PARP4: variants seen among roughly 807,000 people sequenced by gnomAD.
PARP4 encodes the protein poly(ADP-ribose) polymerase family member 4, also known as protein mono-ADP-ribosyltransferase PARP4.
PARP4 carries 120 observed loss-of-function variants against 187.7 expected under a neutral mutation model. The ratio of observed to expected loss-of-function variants is 0.64; its 90% CI spans 0.55 to 0.74. PARP4 has a LOEUF of 0.74. PARP4 is among the 30% of genes least tolerant of loss of function. The probability of loss-of-function intolerance (pLI) is 0.00; values close to 1 mark genes in which losing one functional copy is unlikely to be tolerated. For missense variants in PARP4, 1,836 were observed against 2,070.5 expected, an observed-to-expected ratio of 0.89 and a Z score of 2.20; for synonymous variants, 654 against 740.9, an observed-to-expected ratio of 0.88 and a Z score of 1.90.
chr13:24,458,300 G>A (rs1338005461), intron 20 of PARP4, among the ~76,000 whole-genome samples: 14 of 151,874 alleles, frequency 9.2e-5, no homozygotes, highest in Non-Finnish European at 1.5e-4. Context: ...TAGTGGAGAC[G>A]AGGTTTCACC....
Position 24,421,255 on chromosome 13 carries a change from T to C in PARP4, c.5039A>G (p.Glu1680Gly). The change falls in exon 34 of 34, where the codon GAA (glutamate) becomes GGA (glycine). Residue 1680 changes from glutamate (E) to glycine (G), a missense_variant. Glu to Gly is a moderately conservative substitution (Grantham distance 98, BLOSUM62 -2). Transcript: ENST00000381989. ...KQASEWVRRTEGQYPSICPRL... is the reference protein window; with the variant it reads ...KQASEWVRRTGGQYPSICPRL... The stretch of plus-strand genomic sequence containing the variant: ...TGGGCAGATAGATGGGTACTGTCCT[T>C]CAGTTCTTCTTACCCATTCACTTGC... 1 of 1,308,796 alleles carries C rather than the reference T, an allele frequency of 7.6e-7. No homozygotes were observed. The highest frequency in any genetic ancestry group is 1.6e-5 in the South Asian group (1 of 64,344). 81.1% of individuals were successfully genotyped at this position (1,308,796 alleles called of 1,614,324 possible). A position where few individuals can be genotyped will look rare whatever the true frequency, so the allele number is the denominator to read the frequency against.
At chr13:24,505,916 T>A (rs563484503) in intron 1 of PARP4, among the ~76,000 whole-genome samples, 1 of 152,264 alleles carries the variant, frequency 6.6e-6, no homozygotes, top group Non-Finnish European at 1.5e-5. Context: ...CCCACGCGTC[T>A]TGGGACTAAG....
intron 10 of PARP4, among the ~76,000 whole-genome samples, chr13:24,488,305 A>T (rs1868431582): frequency 6.6e-6 from 1 of 152,204 alleles, no homozygotes; most frequent in African/African-American, 2.4e-5. Flanking sequence ...GTCAAAAGTC[A>T]AACCAAAAGA....
chr13:24,493,421 C>T (rs529575160), intron 8 of PARP4, among the ~76,000 whole-genome samples, 175 bp downstream of exon 8: 5 of 152,330 alleles, frequency 3.3e-5, no homozygotes, highest in Middle Eastern at 6.8e-3. Context: ...TTCTCAGAAG[C>T]TTTTCTCCTT....
At chr13:24,510,553 C>CAAAAAAAAAAAAAAAAA (rs61708412) in intron 1 of PARP4, among the ~76,000 whole-genome samples, 1 of 89,258 alleles carries the variant, frequency 1.1e-5, no homozygotes, top group African/African-American at 4.8e-5. Flanking sequence ...GACTCCGTCT[C>CAAAAAAAAAAAAAAAAA]AAAAAAAAAA....
intron 24 of PARP4, 59 bp downstream of exon 24, chr13:24,452,347 G>T: frequency 7.1e-7 from 1 of 1,399,962 alleles, no homozygotes; most frequent in Non-Finnish European, 9.8e-7. Flanking sequence ...GTCCCCTGCA[G>T]GGCAACAAGA....
intron 32 of PARP4, among the ~76,000 whole-genome samples, chr13:24,429,074 A>C (rs1380769352): frequency 6.6e-6 from 1 of 152,092 alleles, no homozygotes; most frequent in East Asian, 1.9e-4. Flanking sequence ...AATCGAATTA[A>C]ATGATTTTTT....
intron 5 of PARP4, among the ~76,000 whole-genome samples, chr13:24,499,045 TC>T (rs1361565984): frequency 6.6e-6 from 1 of 152,142 alleles, no homozygotes; most frequent in Non-Finnish European, 1.5e-5. Context: ...ATGCTTGTAA[TC>T]CCAGCACTTT....
intron 9 of PARP4, among the ~76,000 whole-genome samples, chr13:24,492,158 A>G (rs1868689033): frequency 6.6e-6 from 1 of 152,250 alleles, no homozygotes; most frequent in Non-Finnish European, 1.5e-5. Context: ...AACTCATTCC[A>G]GAGTCTGAAA....
intron 12 of PARP4, among the ~76,000 whole-genome samples, chr13:24,480,575 T>G (rs932356608): frequency 6.6e-6 from 1 of 152,170 alleles, no homozygotes; most frequent in South Asian, 2.1e-4. Flanking sequence ...CCAGTGAACA[T>G]AGGAATGATA....
intron 17 of PARP4, among the ~76,000 whole-genome samples, chr13:24,462,232 T>C (rs925225534): frequency 6.6e-6 from 1 of 152,112 alleles, no homozygotes; most frequent in Admixed American, 6.6e-5. Flanking sequence ...TGTCGGACAG[T>C]GTGCAGAGTC....
chr13:24,467,675 A>G (rs1025417328), intron 17 of PARP4, among the ~76,000 whole-genome samples: 4 of 152,238 alleles, frequency 2.6e-5, no homozygotes, highest in African/African-American at 9.6e-5. Flanking sequence ...CAAGATGTCA[A>G]TACATTCTGG....
At chr13:24,493,062 T>A (rs1349235165) in intron 8 of PARP4, among the ~76,000 whole-genome samples, 1 of 152,236 alleles carries the variant, frequency 6.6e-6, no homozygotes, top group African/African-American at 2.4e-5. Context: ...AGAGGAAAAT[T>A]GACCATATTA....
At chr13:24,467,791 G>GT (rs2137495961) in intron 17 of PARP4, among the ~76,000 whole-genome samples, 1 of 152,270 alleles carries the variant, frequency 6.6e-6, no homozygotes, top group South Asian at 2.1e-4. Context: ...AGGGAAATAT[G>GT]TAAGTATTAA....
At chr13:24,503,430 C>T (rs1412549017) in intron 2 of PARP4, among the ~76,000 whole-genome samples, 1 of 152,148 alleles carries the variant, frequency 6.6e-6, no homozygotes, top group Admixed American at 6.5e-5. Flanking sequence ...GTAGGATTGT[C>T]CTGCAGTTCA....
At chr13:24,426,959 GAA>G (rs1241764405) in intron 32 of PARP4, among the ~76,000 whole-genome samples, 1 of 149,928 alleles carries the variant, frequency 6.7e-6, no homozygotes, top group African/African-American at 2.4e-5. Context: ...AGCAGATCGT[GAA>G]ACTCTAATAC....
intron 7 of PARP4, 45 bp downstream of exon 7, chr13:24,494,528 T>C: frequency 6.6e-7 from 1 of 1,525,474 alleles, no homozygotes; most frequent in Non-Finnish European, 9.0e-7. Flanking sequence ...ACATTTCTAT[T>C]AAAAATATTC....
At chr13:24,443,565 C>T in intron 28 of PARP4, 85 bp downstream of exon 28, 1 of 949,366 alleles carries the variant, frequency 1.1e-6, no homozygotes, top group South Asian at 1.4e-5. Flanking sequence ...ACGCAGCTGA[C>T]CTCACTTTCC....
chr13:24,436,389 G>C (rs770110968), intron 30 of PARP4, among the ~76,000 whole-genome samples: 1 of 152,180 alleles, frequency 6.6e-6, no homozygotes, highest in Admixed American at 6.5e-5. Context: ...CTATAGCCTT[G>C]AACTCCTGGG....
Sources: allele counts gnomAD v4.1 joint callset (sites outside exome capture counted in the v4.1 genomes callset), GRCh38; gene constraint gnomAD v4.1.1; transcripts MANE v1.5; gene names NCBI Gene and HGNC (gene_info 2026-07-23, HGNC 2026-07-21).